Variants in RNLS observed in about 807,000 individuals in gnomAD.
RNLS encodes renalase, FAD dependent amine oxidase.
In RNLS, 39 loss-of-function variants were observed where a neutral mutation model predicts 39.8. The observed-to-expected ratio is 0.98, with a 90% CI of 0.76 to 1.28. The LOEUF is 1.28. RNLS is among the 50% of genes most tolerant of loss of function. The pLI, the probability that RNLS is intolerant of heterozygous loss-of-function variation, is 0.00. For missense variants in RNLS, 410 were observed against 413.3 expected (o/e 0.99, Z 0.07); for synonymous variants, 147 against 150.7 (o/e 0.98, Z 0.18).
At chr10:88,518,938 T>C (rs1846553441) in intron 4 of RNLS, among the ~76,000 whole-genome samples, 1 of 152,020 alleles carries the variant, frequency 6.6e-6, no homozygotes, top group Non-Finnish European at 1.5e-5. Context: ...CCCTTGTATA[T>C]CTCTAAAGAA....
At chr10:88,466,911 C>T (rs1020112670) in intron 4 of RNLS, among the ~76,000 whole-genome samples, 2 of 152,142 alleles carry the variant, frequency 1.3e-5, no homozygotes, top group African/African-American at 4.8e-5. Context: ...AAAAAACCTT[C>T]TTTTATTTTT....
the RNLS span, among the ~76,000 whole-genome samples, chr10:88,211,677 G>T: frequency 3.9e-5 from 6 of 152,156 alleles, no homozygotes; most frequent in African/African-American, 1.4e-4. Flanking sequence ...ATAGCTGAAA[G>T]GTAGAGTGGG....
At chr10:88,345,193 TATAA>T (rs1848226514) in intron 5 of RNLS, among the ~76,000 whole-genome samples, 2 of 152,144 alleles carry the variant, frequency 1.3e-5, no homozygotes, top group African/African-American at 4.8e-5. Flanking sequence ...TGCTAACTGA[TATAA>T]AGTATTTATG....
chr10:88,537,678 G>A (rs558237024), intron 4 of RNLS, among the ~76,000 whole-genome samples: 30 of 152,256 alleles, frequency 2.0e-4, no homozygotes, highest in South Asian at 8.3e-4. Flanking sequence ...TCAGAAGTCT[G>A]GGTAATGGCT....
At chr10:88,206,021 C>A in the RNLS span, among the ~76,000 whole-genome samples, 1 of 152,298 alleles carries the variant, frequency 6.6e-6, no homozygotes, top group Admixed American at 6.5e-5. Flanking sequence ...TAGTAGAAGA[C>A]AAGGTTCACG....
chr10:88,448,231 A>G (rs1358543050), intron 4 of RNLS, among the ~76,000 whole-genome samples: 1 of 152,180 alleles, frequency 6.6e-6, no homozygotes, highest in Non-Finnish European at 1.5e-5. Context: ...AACCTACAGA[A>G]TGGGAAAAAG....
At chr10:88,270,868 TAACA>T (rs1356423741), downstream of RNLS, among the ~76,000 whole-genome samples, 1 of 152,144 alleles carries the variant, frequency 6.6e-6, no homozygotes, top group Non-Finnish European at 1.5e-5. Flanking sequence ...AAGAAAGAAT[TAACA>T]AACCCCTGTT....
intron 4 of RNLS, among the ~76,000 whole-genome samples, chr10:88,415,697 T>C (rs1030874285): frequency 1.3e-5 from 2 of 152,196 alleles, no homozygotes; most frequent in Non-Finnish European, 2.9e-5. Context: ...AAATGAGATA[T>C]GCATGTATGC....
the RNLS span, among the ~76,000 whole-genome samples, chr10:88,207,114 G>T: frequency 6.6e-6 from 1 of 152,080 alleles, no homozygotes; most frequent in Non-Finnish European, 1.5e-5. Flanking sequence ...TATGACCTTG[G>T]ATTAGACAAA....
intron 4 of RNLS, among the ~76,000 whole-genome samples, chr10:88,546,705 C>CA (rs1344496892): frequency 6.6e-6 from 1 of 152,032 alleles, no homozygotes; most frequent in Non-Finnish European, 1.5e-5. Flanking sequence ...TCATGGTTCA[C>CA]AAAACTTGTG....
At chr10:88,297,157 CTAAGA>C (rs1844151086) in intron 6 of RNLS, among the ~76,000 whole-genome samples, 1 of 152,094 alleles carries the variant, frequency 6.6e-6, no homozygotes, top group Non-Finnish European at 1.5e-5. Flanking sequence ...GGGTAAATCT[CTAAGA>C]GTGGGGTTGC....
chr10:88,444,908 C>G (rs1841947685), intron 4 of RNLS, among the ~76,000 whole-genome samples: 1 of 152,172 alleles, frequency 6.6e-6, no homozygotes, highest in South Asian at 2.1e-4. Context: ...GGATATTATT[C>G]AGGAGAACTT....
At chr10:88,308,209 AG>A (rs1370608659) in intron 6 of RNLS, among the ~76,000 whole-genome samples, 3 of 152,238 alleles carry the variant, frequency 2.0e-5, no homozygotes, top group African/African-American at 7.2e-5. Flanking sequence ...TTCTGGACAT[AG>A]GAAGAGGCAA....
intron 4 of RNLS, among the ~76,000 whole-genome samples, chr10:88,374,247 A>C (rs2133451128): frequency 6.6e-6 from 1 of 152,256 alleles, no homozygotes; most frequent in South Asian, 2.1e-4. Context: ...GAAAGACATG[A>C]TATTTCATAA....
chr10:88,425,266 T>C (rs563388832), intron 4 of RNLS, among the ~76,000 whole-genome samples: 2 of 152,164 alleles, frequency 1.3e-5, no homozygotes, highest in African/African-American at 4.8e-5. Context: ...AATTCTTCAG[T>C]AGAGTTTTTG....
chr10:88,177,884 G>A, the RNLS span, among the ~76,000 whole-genome samples: 1 of 152,174 alleles, frequency 6.6e-6, no homozygotes, highest in African/African-American at 2.4e-5. Context: ...TGGTGGCTGT[G>A]GCATGGTTTT....
chr10:88,466,101 A>G (rs2133956949), intron 4 of RNLS, among the ~76,000 whole-genome samples: 1 of 152,240 alleles, frequency 6.6e-6, no homozygotes, highest in South Asian at 2.1e-4. Flanking sequence ...AAGGACATTC[A>G]CTATGAGCAG....
chr10:88,171,938 C>T, the RNLS span, among the ~76,000 whole-genome samples: 2 of 152,156 alleles, frequency 1.3e-5, no homozygotes, highest in African/African-American at 4.8e-5. Context: ...ACTTATTTCA[C>T]TTAACACAAT....
the RNLS span, among the ~76,000 whole-genome samples, chr10:88,235,234 C>G: frequency 7.6e-6 from 1 of 131,984 alleles, no homozygotes; most frequent in East Asian, 2.4e-4. Context: ...CGCCACTGCA[C>G]TCCAGCCTGG....
Sources: gnomAD v4.1 joint callset for allele counts (sites outside exome capture counted in the v4.1 genomes callset) on GRCh38, gnomAD v4.1.1 for gene constraint, MANE v1.5 for transcripts, NCBI Gene and HGNC (gene_info 2026-07-23, HGNC 2026-07-21) for gene names.